Variants in PDZRN3 observed in about 807,000 individuals in gnomAD.
PDZRN3 encodes the protein E3 ubiquitin-protein ligase PDZRN3.
PDZRN3 carries 38 observed loss-of-function variants against 85.7 expected under a neutral mutation model. The ratio of observed to expected loss-of-function variants is 0.44; its 90% CI spans 0.34 to 0.58. PDZRN3 has a LOEUF of 0.58. Ranked by LOEUF, PDZRN3 falls within the 20% of genes least tolerant of loss-of-function variation. The pLI is 0.01. For synonymous variants in PDZRN3, 759 were observed against 638.0 expected (o/e 1.19, Z -2.86); for missense variants, 1,629 against 1,506.4 (o/e 1.08, Z -1.35).
At chr3:73,444,856 C>A (rs1702717166) in intron 3 of PDZRN3, among the ~76,000 whole-genome samples, 1 of 152,208 alleles carries the variant, frequency 6.6e-6, no homozygotes, top group South Asian at 2.1e-4. Context: ...TAGGGAAAAA[C>A]AAGCCAGGCC....
At chr3:73,411,146 C>G (rs1358380072) in intron 3 of PDZRN3, among the ~76,000 whole-genome samples, 1 of 152,166 alleles carries the variant, frequency 6.6e-6, no homozygotes, top group Admixed American at 6.5e-5. Context: ...AAAATAGTAT[C>G]AAGGACAGTA....
At chr3:73,548,540 T>C (rs1248068879) in intron 3 of PDZRN3, among the ~76,000 whole-genome samples, 2 of 152,218 alleles carry the variant, frequency 1.3e-5, no homozygotes, top group East Asian at 3.9e-4. Context: ...TTGACTTCCC[T>C]GGGATGTGGG....
chr3:73,516,676 AG>A (rs1704261986), intron 3 of PDZRN3, among the ~76,000 whole-genome samples: 1 of 152,246 alleles, frequency 6.6e-6, no homozygotes, highest in Non-Finnish European at 1.5e-5. Flanking sequence ...GATAAAAAAT[AG>A]ATTTAGATTC....
intron 3 of PDZRN3, among the ~76,000 whole-genome samples, chr3:73,463,892 CAT>C (rs1159066368): frequency 9.9e-5 from 15 of 152,162 alleles, no homozygotes; most frequent in East Asian, 3.8e-4. Context: ...CCCCATGACA[CAT>C]GTTTACCTAT....
At chr3:73,406,519 C>T (rs1300433247) in intron 3 of PDZRN3, among the ~76,000 whole-genome samples, 1 of 152,200 alleles carries the variant, frequency 6.6e-6, no homozygotes, top group African/African-American at 2.4e-5. Flanking sequence ...ATTAATGCAA[C>T]ATATAGCACC....
chr3:73,413,557 A>G (rs1343114231), intron 3 of PDZRN3, among the ~76,000 whole-genome samples: 1 of 152,148 alleles, frequency 6.6e-6, no homozygotes, highest in Non-Finnish European at 1.5e-5. Context: ...AAAGTTGTGC[A>G]GCTTATGAAA....
chr3:73,401,567 A>G (rs4676920), intron 4 of PDZRN3, among the ~76,000 whole-genome samples: 110,917 of 152,124 alleles, frequency 0.73, 41,011 homozygotes, highest in East Asian at 0.86. Context: ...TGAAATGCAC[A>G]TACAAACATG....
intron 3 of PDZRN3, among the ~76,000 whole-genome samples, chr3:73,545,754 T>C (rs1701407686): frequency 6.6e-6 from 1 of 152,198 alleles, no homozygotes; most frequent in South Asian, 2.1e-4. Flanking sequence ...ACAGCAATTT[T>C]CTGATGAAAA....
intron 5 of PDZRN3, among the ~76,000 whole-genome samples, chr3:73,394,489 A>C (rs1299620400): frequency 6.6e-6 from 1 of 152,140 alleles, no homozygotes; most frequent in Admixed American, 6.5e-5. Context: ...CAAGGGCAGC[A>C]CTCCAGGAGC....
At chr3:73,608,802 T>C in intron 1 of PDZRN3, 118 bp from the exon 2 acceptor site, 2 of 666,282 alleles carry the variant, frequency 3.0e-6, no homozygotes, top group Non-Finnish European at 5.2e-6. Context: ...AATCCTGTTA[T>C]CTCTTGGGAA....
intron 3 of PDZRN3, among the ~76,000 whole-genome samples, chr3:73,552,603 G>C (rs1010385941): frequency 6.6e-6 from 1 of 152,156 alleles, no homozygotes; most frequent in Non-Finnish European, 1.5e-5. Context: ...TTATCAACTA[G>C]ATTCTGCAGA....
rs1270465041 is a variant in PDZRN3 at position 73,384,840 on chromosome 3, C to T, written c.1726G>A (p.Glu576Lys). 3.1e-6 allele frequency: 5 copies of T among 1,614,028 alleles called. No individual in the cohort carries two copies. In the Admixed American group the frequency reaches 5.0e-5, roughly 16 times the overall value. The change falls in exon 10 of 10, where the codon GAG becomes AAG. Residue 576 changes from glutamate to lysine, a missense_variant. Glu to Lys is a moderately conservative substitution (Grantham distance 56). Coordinates refer to ENST00000263666, the MANE Select transcript of PDZRN3 (RefSeq NM_015009.3). ...EKDSGVGRTDESTRNDESSEQ... is the reference protein window; with the variant it reads ...EKDSGVGRTDKSTRNDESSEQ... ...GAGCTCTCGTCATTACGGGTGCTCT[C>T]GTCGGTCCGCCCCACACCGCTGTCC...
At chr3:73,485,686 A>G (rs1381093232) in intron 3 of PDZRN3, among the ~76,000 whole-genome samples, 1 of 152,232 alleles carries the variant, frequency 6.6e-6, no homozygotes, top group African/African-American at 2.4e-5. Flanking sequence ...AAACTATAAG[A>G]CGATGAAAAA....
rs141026368 is a variant in PDZRN3 at position 73,622,541 on chromosome 3, C to T, written c.723+1562G>A. On this transcript the variant is annotated intron_variant, in intron 1 of 9. Transcript: ENST00000263666. ...GGAAACCAGTGGTTCTCAACCTGGG[C>T]GACTTTGCCCCTCCAGAGGACACTT... 8.0e-4 allele frequency among the ~76,000 whole-genome samples: 122 copies of T among 152,308 alleles called. 1 individual carries two copies. Among genetic ancestry groups the T allele is most frequent in the African/African-American group, 2.7e-3 (112 of 41,564 alleles).
intron 3 of PDZRN3, among the ~76,000 whole-genome samples, chr3:73,428,361 A>C (rs1702360725): frequency 6.6e-6 from 1 of 152,172 alleles, no homozygotes; most frequent in African/African-American, 2.4e-5. Context: ...TTCAACACCT[A>C]GTTCTCTTTC....
chr3:73,542,017 G>C (rs1247932711), intron 3 of PDZRN3, among the ~76,000 whole-genome samples: 2 of 152,132 alleles, frequency 1.3e-5, no homozygotes, highest in Non-Finnish European at 2.9e-5. Context: ...TAAAAGAGAT[G>C]CCATTAGAAC....
At chr3:73,422,671 C>T (rs1460296109) in intron 3 of PDZRN3, among the ~76,000 whole-genome samples, 2 of 152,080 alleles carry the variant, frequency 1.3e-5, no homozygotes, top group Non-Finnish European at 2.9e-5. Flanking sequence ...ATGCATGGAC[C>T]CTTTTGGTCA....
chr3:73,581,883 G>C (rs974946937), intron 3 of PDZRN3, among the ~76,000 whole-genome samples: 1 of 151,796 alleles, frequency 6.6e-6, no homozygotes, highest in East Asian at 1.9e-4. Context: ...AAGATAGCTT[G>C]AGCTCAGGAG....
chr3:73,569,075 G>C (rs532042730), intron 3 of PDZRN3: 34 of 872,432 alleles, frequency 3.9e-5, no homozygotes, highest in Middle Eastern at 2.6e-4. Flanking sequence ...CTGGCCCAAA[G>C]TATGTGCTGC....
Sources: gnomAD v4.1 joint callset for allele counts (sites outside exome capture counted in the v4.1 genomes callset) on GRCh38, gnomAD v4.1.1 for gene constraint, MANE v1.5 for transcripts, NCBI Gene and HGNC (gene_info 2026-07-23, HGNC 2026-07-21) for gene names.